SLC9C1: variants seen among roughly 807,000 people sequenced by gnomAD.
SLC9C1 encodes sodium/hydrogen exchanger 10.
A neutral mutation model predicts 140.9 loss-of-function variants in SLC9C1; 97 were observed. The ratio of observed to expected loss-of-function variants is 0.69; its 90% CI spans 0.58 to 0.82. SLC9C1 has a LOEUF of 0.82. Ranked by LOEUF, SLC9C1 falls within the 40% of genes least tolerant of loss-of-function variation. The pLI, the probability that SLC9C1 is intolerant of heterozygous loss-of-function variation, is 0.00. For synonymous variants in SLC9C1, 440 were observed against 442.6 expected, an observed-to-expected ratio of 0.99 and a Z score of 0.07; for missense variants, 1,340 against 1,389.3, an observed-to-expected ratio of 0.96 and a Z score of 0.56.
intron 12 of SLC9C1, among the ~76,000 whole-genome samples, chr3:112,235,921 T>A (rs2078971718): frequency 6.6e-6 from 1 of 152,226 alleles, no homozygotes; most frequent in Non-Finnish European, 1.5e-5. Flanking sequence ...AATATTGGTC[T>A]AAAATTCTTG....
chr3:112,292,521 A>G (rs989924055), intron 1 of SLC9C1, among the ~76,000 whole-genome samples: 2 of 152,150 alleles, frequency 1.3e-5, no homozygotes, highest in African/African-American at 4.8e-5. Context: ...GGGTAAGGAA[A>G]TAGCTATGAG....
intron 14 of SLC9C1, among the ~76,000 whole-genome samples, chr3:112,219,967 C>G (rs1216907509): frequency 6.6e-6 from 1 of 152,076 alleles, no homozygotes; most frequent in African/African-American, 2.4e-5. Context: ...CAATGTGCAC[C>G]TTTCTTCTTT....
intron 20 of SLC9C1, chr3:112,186,101 G>C (rs888222835): frequency 5.0e-5 from 41 of 822,238 alleles, no homozygotes; most frequent in Non-Finnish European, 7.3e-5. Flanking sequence ...TTTCTGTCTT[G>C]TTCTTACTGA....
At chr3:112,198,787 A>G (rs1576321957) in intron 20 of SLC9C1, among the ~76,000 whole-genome samples, 1 of 151,824 alleles carries the variant, frequency 6.6e-6, no homozygotes, top group Non-Finnish European at 1.5e-5. Context: ...GAAATTTTGT[A>G]TGTGTATTTA....
intron 26 of SLC9C1, 71 bp from the exon 27 acceptor site, chr3:112,155,120 A>G (rs1283268682): frequency 3.2e-5 from 39 of 1,233,816 alleles, no homozygotes; most frequent in Non-Finnish European, 4.1e-5. Context: ...TAGTCCAACT[A>G]TCAGATTAGA....
intron 27 of SLC9C1, 101 bp from the exon 28 acceptor site, chr3:112,152,064 A>C (rs1276387019): frequency 1.2e-6 from 1 of 841,116 alleles, no homozygotes; most frequent in Non-Finnish European, 1.8e-6. Flanking sequence ...TGGAGATGAG[A>C]GACTGAGAAA....
rs1170092218 is a variant in SLC9C1 at position 112,231,474 on chromosome 3, C to G, written c.1459G>C (p.Glu487Gln). Reference sequence around the variant, plus strand: ...TTCACCTTCTGATGTTCTGTTGTTTCTTCTTCGTTCAACTAAATAAAACAT... The same window carrying G: ...TTCACCTTCTGATGTTCTGTTGTTTGTTCTTCGTTCAACTAAATAAAACAT... Reference protein sequence around the residue: ...LENPYMLNEEETTEHQKVKCP... With the variant: ...LENPYMLNEEQTTEHQKVKCP... Residue 487 changes from glutamate to glutamine, a missense_variant, in exon 13 of 29, where the codon GAA becomes CAA. Coordinates refer to ENST00000305815, the MANE Select transcript of SLC9C1 (RefSeq NM_183061.3). 3 of 1,610,078 alleles carry G rather than the reference C, an allele frequency of 1.9e-6. No homozygotes were observed. The highest frequency in any genetic ancestry group is 2.5e-6 in the Non-Finnish European group (3 of 1,177,946).
intron 8 of SLC9C1, among the ~76,000 whole-genome samples, chr3:112,265,148 T>C (rs1410912118): frequency 1.3e-5 from 2 of 151,950 alleles, no homozygotes; most frequent in Admixed American, 6.6e-5. Context: ...GATTTAGAAA[T>C]CACTTCGAGG....
intron 1 of SLC9C1, among the ~76,000 whole-genome samples, chr3:112,288,018 G>A (rs1465078692): frequency 7.0e-6 from 1 of 141,998 alleles, no homozygotes; most frequent in African/African-American, 2.6e-5. Context: ...ACTCCAGCTT[G>A]GGCCACAGAG....
At chr3:112,250,866 G>A (rs564095313) in intron 10 of SLC9C1, among the ~76,000 whole-genome samples, 11 of 152,134 alleles carry the variant, frequency 7.2e-5, no homozygotes, top group Admixed American at 5.2e-4. Context: ...ACTACCATTC[G>A]ACCCAGCAAT....
chr3:112,173,406 A>G (rs964274111), intron 23 of SLC9C1, among the ~76,000 whole-genome samples: 3 of 151,916 alleles, frequency 2.0e-5, no homozygotes, highest in South Asian at 2.1e-4. Flanking sequence ...CATGATAAGT[A>G]GTTTTTTGAT....
chr3:112,142,723 A>C (rs2074668301), intron 28 of SLC9C1, among the ~76,000 whole-genome samples: 2 of 152,342 alleles, frequency 1.3e-5, no homozygotes, highest in South Asian at 4.1e-4. Flanking sequence ...TAATAAAAAA[A>C]AATCCTTTTC....
chr3:112,196,956 T>TA (rs2077782099), intron 20 of SLC9C1, among the ~76,000 whole-genome samples: 1 of 107,452 alleles, frequency 9.3e-6, no homozygotes, highest in African/African-American at 3.6e-5. Context: ...GCCTTGTGAT[T>TA]TAAAAAAAAA....
intron 1 of SLC9C1, among the ~76,000 whole-genome samples, chr3:112,288,664 G>A (rs1001612547): frequency 1.3e-5 from 2 of 152,186 alleles, no homozygotes; most frequent in Non-Finnish European, 2.9e-5. Flanking sequence ...TGAGGGGGTG[G>A]TGGGACATTG....
rs1342130937 is a variant in SLC9C1, at chr3:112,254,253, T to A, written c.1197+8671A>T. The stretch of plus-strand genomic sequence containing the variant: ...AATACAGAGAACCCTTGCAAGATTC[T>A]ATACAAGAAGATCATCCCCAAGACA... On this transcript the variant is annotated intron_variant, in intron 10 of 28. Coordinates refer to ENST00000305815, the MANE Select transcript of SLC9C1 (RefSeq NM_183061.3). 4.6e-5 allele frequency among the ~76,000 whole-genome samples: 7 copies of A among 152,278 alleles called. No homozygotes were observed. The East Asian group carries it at 7.7e-4, about 17-fold the overall frequency.
At chr3:112,282,796 T>C (rs2080394965) in intron 2 of SLC9C1, among the ~76,000 whole-genome samples, 2 of 152,246 alleles carry the variant, frequency 1.3e-5, no homozygotes. Context: ...AAATATAGTT[T>C]ATACTTTTAT....
At chr3:112,230,739 C>T (rs2078798787) in intron 13 of SLC9C1, among the ~76,000 whole-genome samples, 1 of 152,012 alleles carries the variant, frequency 6.6e-6, no homozygotes, top group Non-Finnish European at 1.5e-5. Context: ...ATATGAACAC[C>T]CTAAGAGGAC....
Position 112,208,319 on chromosome 3 carries a change from A to T in SLC9C1, c.1845T>A (p.His615Gln). ...TCATTAATATCACAAGGTATCCAAC[A>T]TGTTCAAATTCCTCAGTAAATACTA... ...HTIVFTEEFE[H>Q]VGYLVILMNI... The change falls in exon 16 of 29, where the codon CAT becomes CAA. Residue 615 changes from histidine to glutamine, a missense_variant. By Grantham distance (24) the His-to-Gln change is conservative. Transcript: ENST00000305815. 6.2e-7 allele frequency: 1 copy of T among 1,606,590 alleles called. No homozygotes were observed. The highest frequency in any genetic ancestry group is 2.2e-5 in the East Asian group (1 of 44,724).
chr3:112,239,290 T>C (rs921613233), intron 12 of SLC9C1, among the ~76,000 whole-genome samples: 1 of 152,236 alleles, frequency 6.6e-6, no homozygotes, highest in Non-Finnish European at 1.5e-5. Flanking sequence ...TGCTGTTTGC[T>C]AAGACCATTG....
Sources: allele counts gnomAD v4.1 joint callset (sites outside exome capture counted in the v4.1 genomes callset), GRCh38; gene constraint gnomAD v4.1.1; transcripts MANE v1.5; gene names NCBI Gene and HGNC (gene_info 2026-07-23, HGNC 2026-07-21).